SYTL5: variants seen among roughly 807,000 people sequenced by gnomAD.
SYTL5 encodes the protein synaptotagmin-like protein 5.
Under a neutral mutation model 55.9 loss-of-function variants are expected in SYTL5, and 34 were observed. The ratio of observed to expected loss-of-function variants is 0.61; its 90% CI spans 0.46 to 0.81. The LOEUF is 0.81. SYTL5 is among the 30% of genes least tolerant of loss of function. The pLI is 0.00. For missense variants in SYTL5, 637 were observed against 546.7 expected (o/e 1.17, Z -1.65); for synonymous variants, 221 against 188.7 (o/e 1.17, Z -1.40).
chrX:37,910,162 G>C, the SYTL5 span, among the ~76,000 whole-genome samples: 1 of 111,702 alleles, frequency 9.0e-6, no homozygotes, highest in Non-Finnish European at 1.9e-5. Flanking sequence ...GGTGATTTAA[G>C]CAACAGAAAT....
chrX:38,071,947 T>C lies in SYTL5; in HGVS notation c.330-100T>C, dbSNP rs956372659. The C allele has an allele frequency of 2.4e-5, 13 of 532,000 alleles. No homozygotes were observed. The African/African-American group carries it at 2.6e-4, about 11-fold the overall frequency. The allele number at this position is 532,000 out of a possible 1,213,427, so 43.8% of individuals were successfully genotyped here. On this transcript the variant is annotated intron_variant, in intron 3 of 16. Transcript: ENST00000297875. ...ATACTCCAGAGATTGAGATAAACTT[T>C]ATAAATAATTTGCTGTTTTCAGTTT... is the stretch of plus-strand genomic sequence containing the variant.
intron 6 of SYTL5, among the ~76,000 whole-genome samples, chrX:38,087,751 C>T (rs912707115): frequency 1.8e-5 from 2 of 111,372 alleles, no homozygotes; most frequent in Non-Finnish European, 1.9e-5. Flanking sequence ...CAAAACCTGC[C>T]TGGCTGGAAT....
At chrX:37,935,535 T>C in the SYTL5 span, among the ~76,000 whole-genome samples, 1 of 112,752 alleles carries the variant, frequency 8.9e-6, no homozygotes, top group Non-Finnish European at 1.9e-5. Context: ...GCAATAATTG[T>C]ATGTCTGTAT....
At chrX:38,096,551 A>G (rs1936944770) in intron 9 of SYTL5, among the ~76,000 whole-genome samples, 1 of 111,631 alleles carries the variant, frequency 9.0e-6, no homozygotes, top group Admixed American at 9.5e-5. Flanking sequence ...GCCAAATATT[A>G]TTAGAAATAT....
intron 6 of SYTL5, among the ~76,000 whole-genome samples, chrX:38,079,994 A>AT (rs1474326279): frequency 2.7e-5 from 3 of 111,831 alleles, no homozygotes; most frequent in Non-Finnish European, 3.8e-5. Flanking sequence ...CTTAAAATTA[A>AT]TTTTTTTATC....
At position 38,029,462 on chromosome X, in the gene SYTL5, C is replaced by G. The variant is rs191700027; in HGVS notation, c.-356-4072C>G. ...GCAATTTTTACTTTTGGTGAAAAACCTGGTTAGTAAGCGATTTTAATTATG... is the reference window on the plus strand; with the variant it reads ...GCAATTTTTACTTTTGGTGAAAAACGTGGTTAGTAAGCGATTTTAATTATG... On this transcript the variant is annotated intron_variant, in intron 1 of 16. Transcript: ENST00000297875. 1.8e-4 allele frequency among the ~76,000 whole-genome samples: 20 copies of G among 112,042 alleles called. No individual in the cohort carries two copies. The East Asian group carries it at 5.6e-3, about 31-fold the overall frequency.
chrX:37,934,179 A>G, the SYTL5 span, among the ~76,000 whole-genome samples: 21 of 110,695 alleles, frequency 1.9e-4, no homozygotes, highest in South Asian at 5.4e-3. Flanking sequence ...AGAACAAGAA[A>G]CTATGGCGTA....
At chrX:37,942,824 T>C in the SYTL5 span, among the ~76,000 whole-genome samples, 1 of 111,765 alleles carries the variant, frequency 8.9e-6, no homozygotes, top group Non-Finnish European at 1.9e-5. Context: ...TCTTTAGCTA[T>C]GCCCGATCAC....
the SYTL5 span, among the ~76,000 whole-genome samples, chrX:37,952,022 A>C: frequency 1.8e-5 from 2 of 111,107 alleles, no homozygotes; most frequent in Non-Finnish European, 3.8e-5. Context: ...CTCTGAATTC[A>C]AGAAATGTTT....
At chrX:38,073,832 TTTCTTATCA>T in intron 5 of SYTL5, 134 bp downstream of exon 5, 2 of 408,542 alleles carry the variant, frequency 4.9e-6, no homozygotes, top group Non-Finnish European at 8.6e-6. Context: ...AAAGTAACAC[TTTCTTATCA>T]TTCTCCTCAG....
At chrX:38,051,246 G>A (rs1248887198) in intron 2 of SYTL5, among the ~76,000 whole-genome samples, 1 of 111,740 alleles carries the variant, frequency 8.9e-6, no homozygotes, top group Non-Finnish European at 1.9e-5. Flanking sequence ...TACAGGCTAT[G>A]GGAAAGAGGT....
At chrX:37,966,519 C>T in the SYTL5 span, among the ~76,000 whole-genome samples, 1 of 99,952 alleles carries the variant, frequency 1.0e-5, no homozygotes, top group Non-Finnish European at 2.0e-5. Context: ...CTCACTGCAA[C>T]CTCCGCCTCC....
intron 3 of SYTL5, among the ~76,000 whole-genome samples, chrX:38,068,805 A>G (rs900634385): frequency 9.0e-6 from 1 of 110,731 alleles, no homozygotes; most frequent in African/African-American, 3.3e-5. Flanking sequence ...AAAACTACCT[A>G]TTGGATACTA....
intron 1 of SYTL5, among the ~76,000 whole-genome samples, chrX:38,025,146 T>A (rs1934719843): frequency 8.9e-6 from 1 of 112,224 alleles, no homozygotes; most frequent in Admixed American, 9.5e-5. Context: ...TTTGCGTATG[T>A]GATTTAGCTT....
the SYTL5 span, among the ~76,000 whole-genome samples, chrX:37,983,599 C>T: frequency 8.9e-6 from 1 of 111,888 alleles, no homozygotes; most frequent in African/African-American, 3.2e-5. Flanking sequence ...GTAGGTAGAA[C>T]ATAAACAATA....
At chrX:37,978,745 A>C in the SYTL5 span, among the ~76,000 whole-genome samples, 1 of 111,496 alleles carries the variant, frequency 9.0e-6, no homozygotes, top group African/African-American at 3.3e-5. Context: ...TTGGAGCCCA[A>C]ATATGAGAAC....
chrX:37,955,647 T>A, the SYTL5 span, among the ~76,000 whole-genome samples: 1 of 112,125 alleles, frequency 8.9e-6, no homozygotes, highest in Non-Finnish European at 1.9e-5. Flanking sequence ...AGCAATACAC[T>A]GGCCGGGAAA....
the SYTL5 span, among the ~76,000 whole-genome samples, chrX:37,891,304 C>T: frequency 4.5e-5 from 5 of 112,179 alleles, no homozygotes; most frequent in East Asian, 5.6e-4. Context: ...ACAAAATAAA[C>T]GAACTAAGTA....
At position 38,108,690 on chromosome X, in the gene SYTL5, A is replaced by G. The variant is rs1937278119; in HGVS notation, c.1425A>G (p.Glu475=). Residue 475 remains glutamate, a synonymous_variant, in exon 12 of 17, where the codon GAA becomes GAG. Coordinates refer to ENST00000297875, the MANE Select transcript of SYTL5 (RefSeq NM_138780.3). ...IRTGTNPEFN[E]TLKYTISHTQ... Reference sequence around the variant, plus strand: ...CAGGCACCAATCCAGAATTCAATGAAACACTAAAGGTAAATAAATACGGTC... The same window carrying G: ...CAGGCACCAATCCAGAATTCAATGAGACACTAAAGGTAAATAAATACGGTC... The G allele has an allele frequency of 8.5e-7, 1 of 1,180,369 alleles. No individual in the cohort carries two copies. Among genetic ancestry groups the G allele is most frequent in the Non-Finnish European group, 1.1e-6 (1 of 871,787 alleles).
Sources: allele counts gnomAD v4.1 joint callset (sites outside exome capture counted in the v4.1 genomes callset), GRCh38; gene constraint gnomAD v4.1.1; transcripts MANE v1.5; gene names NCBI Gene and HGNC (gene_info 2026-07-23, HGNC 2026-07-21).